Variants in XDH observed in about 807,000 individuals in gnomAD.
The protein encoded by XDH is xanthine dehydrogenase/oxidase.
Under a neutral mutation model 156.1 loss-of-function variants are expected in XDH, and 138 were observed. The ratio of observed to expected loss-of-function variants is 0.88; its 90% confidence interval spans 0.77 to 1.02. XDH has a LOEUF of 1.02. XDH is among the 50% of genes least tolerant of loss of function. XDH has a pLI of 0.00. For missense variants in XDH, 1,849 were observed against 1,684.9 expected (o/e 1.10, Z -1.71); for synonymous variants, 669 against 625.7 (o/e 1.07, Z -1.03).
intron 35 of XDH, among the ~76,000 whole-genome samples, chr2:31,336,875 T>G: frequency 3.0e-5 from 1 of 33,186 alleles, no homozygotes; most frequent in African/African-American, 1.3e-4. Context: ...TCCACACAGG[T>G]TGCAGTTGCA....
chr2:31,348,509 T>G, intron 27 of XDH, 146 bp from the exon 28 acceptor site: 2 of 745,918 alleles, frequency 2.7e-6, no homozygotes, highest in Admixed American at 4.1e-5. Context: ...AGTATGAATC[T>G]CATGATTTAA....
chr2:31,338,697 C>T (rs1394642393), intron 34 of XDH, among the ~76,000 whole-genome samples: 2 of 148,594 alleles, frequency 1.3e-5, no homozygotes, highest in Admixed American at 1.3e-4. Context: ...CACAATCCTC[C>T]AGGCATCTGA....
At chr2:31,376,506 T>G (rs972877612) in intron 14 of XDH, among the ~76,000 whole-genome samples, 6 of 149,398 alleles carry the variant, frequency 4.0e-5, no homozygotes, top group Non-Finnish European at 8.9e-5. Flanking sequence ...GCAGTAATGT[T>G]ATTAGTAAAA....
At chr2:31,363,033 C>T (rs759831423) in intron 24 of XDH, among the ~76,000 whole-genome samples, 5 of 152,088 alleles carry the variant, frequency 3.3e-5, no homozygotes, top group African/African-American at 4.8e-5. Flanking sequence ...ATAGATGGGC[C>T]GGATGCAGTG....
chr2:31,348,843 C>G (rs1685372650), intron 27 of XDH, 56 bp downstream of exon 27: 2 of 1,503,754 alleles, frequency 1.3e-6, no homozygotes, highest in South Asian at 1.1e-5. Flanking sequence ...CTGTAAACAA[C>G]AGGGAAATGG....
chr2:31,390,425 T>C (rs1686730665), intron 6 of XDH, among the ~76,000 whole-genome samples: 1 of 152,266 alleles, frequency 6.6e-6, no homozygotes, highest in African/African-American at 2.4e-5. Flanking sequence ...AAGGACATCT[T>C]GGTTGCATCT....
chr2:31,378,123 G>GAAAGAAAGAAA lies in XDH; in HGVS notation c.1243-887_1243-886insTTTCTTTCTTT, dbSNP rs1558696709. Among the ~76,000 whole-genome samples the GAAAGAAAGAAA allele has an allele frequency of 1.5e-3, 58 of 39,964 alleles. 1 individual carries two copies. Among genetic ancestry groups the GAAAGAAAGAAA allele is most frequent in the African/African-American group, 4.9e-3 (51 of 10,418 alleles). 26.2% of individuals were successfully genotyped at this position (39,964 alleles called of 152,430 possible). A position where few individuals can be genotyped will look rare whatever the true frequency, so the allele number is the denominator to read the frequency against. On this transcript the variant is annotated intron_variant, in intron 13 of 35. Coordinates refer to ENST00000379416, the MANE Select transcript of XDH (RefSeq NM_000379.4). ...GAAAGAAAGAAAGGAAGGAAGGAAG[G>GAAAGAAAGAAA]AAGGAAGGAAGGAAGGAAGGAAGGA...
Position 31,368,642 on chromosome 2 carries a change from T to C in XDH, c.1999A>G (p.Ile667Val). 2 of 1,614,178 alleles carry C rather than the reference T, an allele frequency of 1.2e-6. No homozygotes were observed. Among genetic ancestry groups the C allele is most frequent in the Non-Finnish European group, 8.5e-7 (1 of 1,180,030 alleles). The change falls in exon 19 of 36, where the codon ATC becomes GTC. Residue 667 changes from isoleucine (I) to valine (V), a missense_variant. Ile to Val is a conservative substitution (Grantham distance 29). Coordinates refer to ENST00000379416, the MANE Select transcript of XDH (RefSeq NM_000379.4). ...GTGTCAGCAACCACAGCACCAATGA[T>C]ATGCCCAACACAAGTAACCTAGTAG... is the stretch of plus-strand genomic sequence containing the variant. ...AKDKVTCVGH[I>V]IGAVVADTPE...
At position 31,347,729 on chromosome 2, in the gene XDH, A is replaced by C. The variant is rs1685340377; in HGVS notation, c.3148-79T>G. On this transcript the variant is annotated intron_variant, in intron 28 of 35. Transcript: ENST00000379416. ...CTGCCTTCTCCCCAAGACAGGATTC[A>C]CATTCACTGTTACAGGCAAGAAAAC... is the stretch of plus-strand genomic sequence containing the variant. 1.9e-6 allele frequency: 3 copies of C among 1,554,740 alleles called. No homozygotes were observed. In the Admixed American group the frequency reaches 5.4e-5, roughly 28 times the overall value.
intron 1 of XDH, among the ~76,000 whole-genome samples, chr2:31,407,671 C>G (rs1321144711): frequency 6.6e-6 from 1 of 152,120 alleles, no homozygotes; most frequent in Non-Finnish European, 1.5e-5. Context: ...TACAATAGTA[C>G]CAATTAAAGG....
chr2:31,387,333 G>C (rs1347185668), intron 8 of XDH, among the ~76,000 whole-genome samples: 1 of 152,102 alleles, frequency 6.6e-6, no homozygotes. Flanking sequence ...GGTGTGAGGG[G>C]GTTTCCTTAA....
chr2:31,390,962 T>C (rs191923797), intron 6 of XDH, among the ~76,000 whole-genome samples: 23 of 152,326 alleles, frequency 1.5e-4, no homozygotes, highest in Non-Finnish European at 7.4e-5. Flanking sequence ...TGTCTCCTCA[T>C]TCATCGTTAT....
At chr2:31,349,036 T>G in intron 26 of XDH, 56 bp from the exon 27 acceptor site, 1 of 1,490,542 alleles carries the variant, frequency 6.7e-7, no homozygotes, top group Non-Finnish European at 9.3e-7. Flanking sequence ...AGGACATGAA[T>G]ATCTTTGGAT....
chr2:31,344,306 A>G (rs567758363), intron 31 of XDH, among the ~76,000 whole-genome samples: 1 of 152,260 alleles, frequency 6.6e-6, no homozygotes, highest in Admixed American at 6.5e-5. Flanking sequence ...AACTCATAAC[A>G]CTACACAGCC....
At chr2:31,353,817 C>T (rs1012038448) in intron 24 of XDH, among the ~76,000 whole-genome samples, 1 of 152,212 alleles carries the variant, frequency 6.6e-6, no homozygotes, top group African/African-American at 2.4e-5. Flanking sequence ...GGAGCCCAGA[C>T]TTCCACATTC....
At chr2:31,353,186 A>G (rs1442651457) in intron 24 of XDH, among the ~76,000 whole-genome samples, 1 of 152,132 alleles carries the variant, frequency 6.6e-6, no homozygotes, top group Admixed American at 6.5e-5. Flanking sequence ...TTTCTAAACA[A>G]CTCAATATTC....
At chr2:31,353,265 T>G (rs1164218599) in intron 24 of XDH, among the ~76,000 whole-genome samples, 1 of 152,164 alleles carries the variant, frequency 6.6e-6, no homozygotes, top group Non-Finnish European at 1.5e-5. Context: ...GGTCTTACCC[T>G]GGTCATTTAC....
At chr2:31,384,791 C>G (rs1686538993) in intron 9 of XDH, among the ~76,000 whole-genome samples, 2 of 152,230 alleles carry the variant, frequency 1.3e-5, no homozygotes, top group South Asian at 4.2e-4. Flanking sequence ...ACCTGAATAC[C>G]AGCCCCTTTT....
chr2:31,347,762 T>A, intron 28 of XDH, 112 bp from the exon 29 acceptor site: 1 of 1,383,364 alleles, frequency 7.2e-7, no homozygotes, highest in Non-Finnish European at 9.9e-7. Flanking sequence ...AACAATTTCG[T>A]AAACTCTAAT....
Sources: allele counts gnomAD v4.1 joint callset (sites outside exome capture counted in the v4.1 genomes callset), GRCh38; gene constraint gnomAD v4.1.1; transcripts MANE v1.5; gene names NCBI Gene and HGNC (gene_info 2026-07-23, HGNC 2026-07-21).